The following MICAL2 variants were observed in gnomAD, a reference collection of about 807,000 sequenced individuals.
MICAL2 encodes the protein [F-actin]-monooxygenase MICAL2.
Under a neutral mutation model 127.3 loss-of-function variants are expected in MICAL2, and 77 were observed. The observed-to-expected ratio is 0.60, with a 90% CI of 0.50 to 0.73. The LOEUF (loss-of-function observed/expected upper bound fraction) is 0.73, where lower values mean the gene tolerates loss of function less well. MICAL2 is among the 30% of genes least tolerant of loss of function. The pLI is 0.00. For missense variants in MICAL2, 1,351 were observed against 1,434.4 expected, an observed-to-expected ratio of 0.94 and a Z score of 0.94; for synonymous variants, 570 against 551.1, an observed-to-expected ratio of 1.03 and a Z score of -0.48.
chr11:12,121,638 C>G (rs1216205516), intron 1 of MICAL2: 1 of 152,292 alleles, frequency 6.6e-6, no homozygotes, highest in African/African-American at 2.4e-5. Context: ...ATGGCCTGGA[C>G]AGGTGGAGCA....
chr11:12,128,261 A>C (rs1037222892), intron 1 of MICAL2, among the ~76,000 whole-genome samples: 1 of 152,224 alleles, frequency 6.6e-6, no homozygotes, highest in East Asian at 1.9e-4. Context: ...ATGATTTTGC[A>C]ATGGAAATCC....
intron 20 of MICAL2, 153 bp downstream of exon 20, chr11:12,242,925 G>A (rs1860186163): frequency 9.3e-6 from 5 of 536,922 alleles, no homozygotes; most frequent in Admixed American, 4.1e-5. Flanking sequence ...AATACAAGCT[G>A]GCATCTAGAA....
intron 31 of MICAL2, among the ~76,000 whole-genome samples, chr11:12,326,244 T>C (rs1324887110): frequency 2.0e-5 from 3 of 152,302 alleles, no homozygotes. Context: ...CCCAAACAAC[T>C]GACTGTTCCT....
chr11:12,286,211 G>A (rs952205816), intron 2 of MICAL2, among the ~76,000 whole-genome samples: 1 of 152,192 alleles, frequency 6.6e-6, no homozygotes, highest in Non-Finnish European at 1.5e-5. Context: ...CCAAGGGAGG[G>A]CCACAGCAAT....
intron 29 of MICAL2, among the ~76,000 whole-genome samples, chr11:12,306,436 A>T (rs894375353): frequency 6.6e-6 from 1 of 152,080 alleles, no homozygotes; most frequent in African/African-American, 2.4e-5. Context: ...GAATTCATCT[A>T]CTCTACCAAA....
chr11:12,120,334 C>T (rs749877674), intron 1 of MICAL2, among the ~76,000 whole-genome samples: 1 of 152,148 alleles, frequency 6.6e-6, no homozygotes, highest in Non-Finnish European at 1.5e-5. Flanking sequence ...CAGCTGGGAA[C>T]AGGAGGAGGA....
At chr11:12,334,070 A>C (rs1398905964) in intron 32 of MICAL2, among the ~76,000 whole-genome samples, 1 of 152,214 alleles carries the variant, frequency 6.6e-6, no homozygotes, top group Non-Finnish European at 1.5e-5. Flanking sequence ...TGAGATGTTA[A>C]GAAGAATCTT....
rs113379015 is a variant in MICAL2 at position 12,346,097 on chromosome 11, A to C, written c.5516-3741A>C. 5.4e-3 allele frequency among the ~76,000 whole-genome samples: 816 copies of C among 152,362 alleles called. 7 individuals are homozygous for C. Among genetic ancestry groups the C allele is most frequent in the African/African-American group, 0.018 (769 of 41,594 alleles). Reference sequence around the variant, plus strand: ...TGAAGGCCGATAGAAAGAAGTTTTCAGGACTTAAAGTACACAGCCCTGCAG... The same window carrying C: ...TGAAGGCCGATAGAAAGAAGTTTTCCGGACTTAAAGTACACAGCCCTGCAG... On this transcript the variant is annotated intron_variant, in intron 32 of 34. Coordinates refer to the MICAL2 transcript ENST00000646065.
chr11:12,117,672 C>T (rs1850148923), intron 1 of MICAL2, among the ~76,000 whole-genome samples: 1 of 152,304 alleles, frequency 6.6e-6, no homozygotes. Flanking sequence ...GACAACTGTT[C>T]ATCCAAAAGG....
Position 12,239,426 on chromosome 11 carries a change from A to C in MICAL2, c.2065-10A>C, listed in dbSNP as rs747581176. On this transcript the variant is annotated splice_polypyrimidine_tract_variant and intron_variant, in intron 16 of 27. Coordinates refer to ENST00000683283, the MANE Select transcript of MICAL2 (RefSeq NM_001282663.2). Reference sequence around the variant, plus strand: ...ATCCAACCATCAGTGTCCCGTTTCAACCTTTGCAGCCTTCAAACTTTTCCA... The same window carrying C: ...ATCCAACCATCAGTGTCCCGTTTCACCCTTTGCAGCCTTCAAACTTTTCCA... 1 of 1,613,890 alleles carries C rather than the reference A, an allele frequency of 6.2e-7. No individual in the cohort carries two copies. Among genetic ancestry groups the C allele is most frequent in the African/African-American group, 1.3e-5 (1 of 75,032 alleles).
intron 1 of MICAL2, among the ~76,000 whole-genome samples, chr11:12,126,281 A>G (rs750788633): frequency 1.3e-5 from 2 of 152,196 alleles, no homozygotes; most frequent in Non-Finnish European, 2.9e-5. Flanking sequence ...TGTGAACTCC[A>G]GTATTTAAGG....
intron 2 of MICAL2, among the ~76,000 whole-genome samples, chr11:12,144,143 T>C (rs1031874546): frequency 1.3e-5 from 2 of 152,332 alleles, no homozygotes; most frequent in South Asian, 4.1e-4. Flanking sequence ...GACTTCTTGG[T>C]CTTGTATCAA....
Position 12,123,013 on chromosome 11 carries a change from C to T in MICAL2, c.-149+12287C>T, listed in dbSNP as rs560539488. Among the ~76,000 whole-genome samples the T allele has an allele frequency of 2.0e-5, 3 of 152,260 alleles. No homozygotes were observed. The South Asian group carries it at 6.2e-4, about 32-fold the overall frequency. ...GGGTGCCATGGAGAGTAGGTCTAAT[C>T]TGTCTACCACCCAATAGCTCTTCAG... On this transcript the variant is annotated intron_variant, in intron 1 of 27. Coordinates refer to ENST00000683283, the MANE Select transcript of MICAL2 (RefSeq NM_001282663.2).
intron 1 of MICAL2, among the ~76,000 whole-genome samples, chr11:12,115,440 T>C (rs1849927818): frequency 6.6e-6 from 1 of 152,182 alleles, no homozygotes; most frequent in Non-Finnish European, 1.5e-5. Context: ...TGTTTGGGGC[T>C]TTTTTTCTTT....
intron 3 of MICAL2, among the ~76,000 whole-genome samples, chr11:12,192,225 C>T (rs1859274050): frequency 6.6e-6 from 1 of 152,186 alleles, no homozygotes; most frequent in Non-Finnish European, 1.5e-5. Flanking sequence ...TTGGACAGTG[C>T]ACACACGTGC....
chr11:12,258,236 G>A (rs1264088037), intron 24 of MICAL2, among the ~76,000 whole-genome samples: 2 of 152,122 alleles, frequency 1.3e-5, no homozygotes, highest in East Asian at 1.9e-4. Flanking sequence ...ATCCCCGGGA[G>A]CCCCCCATTG....
intron 24 of MICAL2, among the ~76,000 whole-genome samples, chr11:12,270,941 G>C (rs896807956): frequency 6.6e-6 from 1 of 152,212 alleles, no homozygotes; most frequent in Admixed American, 6.5e-5. Flanking sequence ...GAACCAGGGA[G>C]TGCCGCGCCT....
intron 32 of MICAL2, among the ~76,000 whole-genome samples, chr11:12,339,375 C>T (rs951263578): frequency 6.6e-6 from 1 of 151,978 alleles, no homozygotes; most frequent in African/African-American, 2.4e-5. Context: ...AGGTTTTTAA[C>T]TTTTTTGCCA....
At chr11:12,211,038 AC>A (rs1382615997) in intron 6 of MICAL2, among the ~76,000 whole-genome samples, 1 of 152,216 alleles carries the variant, frequency 6.6e-6, no homozygotes, top group Non-Finnish European at 1.5e-5. Flanking sequence ...GACCCTTTTG[AC>A]AAAGGTCTAA....
Sources: allele counts gnomAD v4.1 joint callset (sites outside exome capture counted in the v4.1 genomes callset), GRCh38; gene constraint gnomAD v4.1.1; transcripts MANE v1.5; gene names NCBI Gene and HGNC (gene_info 2026-07-23, HGNC 2026-07-21).